Variants in CNBD1 observed in about 807,000 individuals in gnomAD.
CNBD1 encodes the protein cyclic nucleotide-binding domain-containing protein 1.
Under a neutral mutation model 54.4 loss-of-function variants are expected in CNBD1, and 71 were observed. That is an observed-to-expected ratio of 1.30 (90% CI 1.08 to 1.59). The LOEUF (loss-of-function observed/expected upper bound fraction) is 1.59, where lower values mean the gene tolerates loss of function less well. Ranked by LOEUF, CNBD1 falls within the 40% of genes most tolerant of loss-of-function variation. CNBD1 has a pLI of 0.00. For synonymous variants in CNBD1, 182 were observed against 170.7 expected (o/e 1.07, Z -0.51); for missense variants, 659 against 518.0 (o/e 1.27, Z -2.64).
At chr8:87,203,188 A>G (rs1436574543) in intron 4 of CNBD1, among the ~76,000 whole-genome samples, 1 of 152,232 alleles carries the variant, frequency 6.6e-6, no homozygotes, top group Admixed American at 6.5e-5. Flanking sequence ...TACAGAAAGA[A>G]TATCAGACAC....
intron 2 of CNBD1, among the ~76,000 whole-genome samples, chr8:87,403,613 CTG>C (rs1456124349): frequency 6.6e-6 from 1 of 151,840 alleles, no homozygotes; most frequent in African/African-American, 2.4e-5. Context: ...GTGGCTTAAT[CTG>C]TATTTTATTC....
intron 4 of CNBD1, among the ~76,000 whole-genome samples, chr8:87,078,615 T>G (rs1810923085): frequency 6.6e-6 from 1 of 152,110 alleles, no homozygotes; most frequent in African/African-American, 2.4e-5. Flanking sequence ...TTACGAGGAG[T>G]TTGCTGCAGT....
intron 4 of CNBD1, among the ~76,000 whole-genome samples, chr8:86,947,094 G>T (rs1807487802): frequency 6.6e-6 from 1 of 152,104 alleles, no homozygotes; most frequent in South Asian, 2.1e-4. Flanking sequence ...GGTCTGCATG[G>T]TCACTGTTCT....
chr8:86,953,340 T>C (rs1807674651), intron 4 of CNBD1, among the ~76,000 whole-genome samples: 1 of 152,226 alleles, frequency 6.6e-6, no homozygotes. Flanking sequence ...TAGGTATAGA[T>C]AATAATTGTC....
intron 1 of CNBD1, among the ~76,000 whole-genome samples, chr8:86,884,698 T>C (rs1357149251): frequency 6.6e-6 from 1 of 152,218 alleles, no homozygotes; most frequent in Non-Finnish European, 1.5e-5. Flanking sequence ...TTCAGTCCTA[T>C]GCTAGAATTC....
At chr8:86,969,793 TACACAC>T (rs10547170) in intron 4 of CNBD1, among the ~76,000 whole-genome samples, 1,559 of 144,096 alleles carry the variant, frequency 0.011, 12 homozygotes, top group South Asian at 0.033. Context: ...TATATATATA[TACACAC>T]ACACACACAC....
chr8:87,117,721 T>G (rs1726772615), intron 4 of CNBD1, among the ~76,000 whole-genome samples: 2 of 151,898 alleles, frequency 1.3e-5, no homozygotes, highest in African/African-American at 4.8e-5. Context: ...GTGTAGACCT[T>G]GGACAGCTAG....
chr8:86,930,636 T>A (rs1809441503), intron 3 of CNBD1, among the ~76,000 whole-genome samples: 1 of 152,180 alleles, frequency 6.6e-6, no homozygotes, highest in Non-Finnish European at 1.5e-5. Context: ...CCATTCTGCT[T>A]CCTCTGGTAT....
At chr8:86,969,115 G>A (rs1808161300) in intron 4 of CNBD1, among the ~76,000 whole-genome samples, 1 of 151,764 alleles carries the variant, frequency 6.6e-6, no homozygotes, top group Admixed American at 6.6e-5. Flanking sequence ...GTGAGTTTGG[G>A]GTCCCAAGAT....
Position 87,107,651 on chromosome 8 carries a change from A to G in CNBD1, c.432-98342A>G, listed in dbSNP as rs1811569809. Among the ~76,000 whole-genome samples, 3 of 152,354 alleles carry G rather than the reference A, an allele frequency of 2.0e-5. No individual in the cohort carries two copies. In the South Asian group the frequency reaches 6.2e-4, roughly 32 times the overall value. ...TCCTTGTATCCCTATTACCTAATTT[A>G]GTGCCTGGTGAATATACAATAAATA... is the stretch of plus-strand genomic sequence containing the variant. On this transcript the variant is annotated intron_variant, in intron 4 of 10. Transcript: ENST00000518476.
chr8:87,339,619 G>T (rs1394117309), intron 8 of CNBD1, among the ~76,000 whole-genome samples: 1 of 151,956 alleles, frequency 6.6e-6, no homozygotes. Flanking sequence ...ATCTCATTTT[G>T]TTAATTTTTT....
At chr8:87,242,882 A>G (rs1031471811) in intron 6 of CNBD1, among the ~76,000 whole-genome samples, 4 of 152,226 alleles carry the variant, frequency 2.6e-5, no homozygotes, top group African/African-American at 9.6e-5. Flanking sequence ...CAACTCAAAA[A>G]TATTCTTTAT....
At chr8:87,222,939 C>T (rs1586340667) in intron 5 of CNBD1, among the ~76,000 whole-genome samples, 1 of 152,004 alleles carries the variant, frequency 6.6e-6, no homozygotes, top group East Asian at 1.9e-4. Flanking sequence ...TATATAAATA[C>T]TTTTATGAAA....
At chr8:86,914,134 ATTTG>A (rs1440603401) in intron 3 of CNBD1, among the ~76,000 whole-genome samples, 1 of 152,188 alleles carries the variant, frequency 6.6e-6, no homozygotes, top group East Asian at 1.9e-4. Flanking sequence ...ATGCTTTACA[ATTTG>A]TTCAGTTAAC....
intron 4 of CNBD1, among the ~76,000 whole-genome samples, chr8:86,959,349 A>G (rs888817689): frequency 6.6e-6 from 1 of 152,054 alleles, no homozygotes; most frequent in African/African-American, 2.4e-5. Flanking sequence ...TTCTTAGTGA[A>G]TATCTTCATG....
intron 8 of CNBD1, among the ~76,000 whole-genome samples, chr8:87,342,336 G>A (rs1172208168): frequency 6.6e-6 from 1 of 151,866 alleles, no homozygotes; most frequent in Non-Finnish European, 1.5e-5. Flanking sequence ...GTCTCCATGG[G>A]AGGAGTAAGA....
intron 1 of CNBD1, among the ~76,000 whole-genome samples, chr8:86,875,483 C>A (rs1808507396): frequency 6.6e-6 from 1 of 152,214 alleles, no homozygotes. Flanking sequence ...GCCACTTTGG[C>A]AAGTACTCTA....
chr8:87,238,556 T>C (rs1447719555), intron 6 of CNBD1, among the ~76,000 whole-genome samples: 1 of 152,102 alleles, frequency 6.6e-6, no homozygotes, highest in Non-Finnish European at 1.5e-5. Flanking sequence ...GCCCTAGCCT[T>C]AGCATAAAAT....
downstream of CNBD1, among the ~76,000 whole-genome samples, chr8:87,384,499 G>T (rs1252780858): frequency 2.0e-5 from 3 of 152,020 alleles, no homozygotes; most frequent in South Asian, 2.1e-4. Flanking sequence ...TAAATGAGGG[G>T]ATCAAGGCGG....
Sources: gnomAD v4.1 joint callset for allele counts (sites outside exome capture counted in the v4.1 genomes callset) on GRCh38, gnomAD v4.1.1 for gene constraint, MANE v1.5 for transcripts, NCBI Gene and HGNC (gene_info 2026-07-23, HGNC 2026-07-21) for gene names.